ARHGAP42: variants seen among roughly 807,000 people sequenced by gnomAD.
ARHGAP42 encodes Rho GTPase activating protein 42, also known as rho GTPase-activating protein 42.
ARHGAP42 carries 63 observed loss-of-function variants against 125.0 expected under a neutral mutation model. The observed-to-expected ratio is 0.50, with a 90% CI of 0.41 to 0.62. The LOEUF (loss-of-function observed/expected upper bound fraction) is 0.62, where lower values mean the gene tolerates loss of function less well. Among genes scored for constraint, ARHGAP42 ranks in the 20% least tolerant of loss-of-function variants. The pLI is 0.00. For missense variants in ARHGAP42, 766 were observed against 1,024.2 expected (o/e 0.75, Z 3.44); for synonymous variants, 339 against 351.0 (o/e 0.97, Z 0.38).
chr11:100,751,588 T>C (rs1403620139), intron 1 of ARHGAP42, among the ~76,000 whole-genome samples: 6 of 151,742 alleles, frequency 4.0e-5, no homozygotes, highest in Non-Finnish European at 8.8e-5. Context: ...CAATACCCAG[T>C]GGTGGATGGA....
intron 5 of ARHGAP42, among the ~76,000 whole-genome samples, chr11:100,918,807 G>A (rs1382419192): frequency 6.6e-6 from 1 of 152,186 alleles, no homozygotes; most frequent in Non-Finnish European, 1.5e-5. Context: ...CCTATAAGTG[G>A]CAAGCAGCAA....
intron 5 of ARHGAP42, among the ~76,000 whole-genome samples, chr11:100,914,016 C>A (rs1375028712): frequency 2.0e-5 from 3 of 152,084 alleles, no homozygotes; most frequent in African/African-American, 7.2e-5. Context: ...CTCACTGCAA[C>A]CTCTGCCTCC....
chr11:100,826,760 T>C (rs1378877630), intron 3 of ARHGAP42, among the ~76,000 whole-genome samples: 1 of 152,172 alleles, frequency 6.6e-6, no homozygotes, highest in East Asian at 1.9e-4. Flanking sequence ...TTCCTGCTCA[T>C]GTCACCCCTG....
intron 21 of ARHGAP42, 139 bp downstream of exon 21, chr11:100,977,110 G>C: frequency 1.0e-6 from 1 of 960,582 alleles, no homozygotes; most frequent in Admixed American, 2.7e-5. Flanking sequence ...GTCCACTTCT[G>C]TAAGACTCTA....
At chr11:100,798,690 A>G (rs942007620) in intron 3 of ARHGAP42, among the ~76,000 whole-genome samples, 1 of 151,834 alleles carries the variant, frequency 6.6e-6, no homozygotes, top group African/African-American at 2.4e-5. Flanking sequence ...TATGTACTTT[A>G]TATATTTTAT....
intron 1 of ARHGAP42, among the ~76,000 whole-genome samples, chr11:100,764,136 C>G (rs1212526698): frequency 6.6e-6 from 1 of 151,962 alleles, no homozygotes; most frequent in African/African-American, 2.4e-5. Flanking sequence ...ATCTTCCCAC[C>G]TTAGCCTCCT....
chr11:100,889,600 G>A (rs565406721), intron 4 of ARHGAP42, among the ~76,000 whole-genome samples: 1 of 152,170 alleles, frequency 6.6e-6, no homozygotes, highest in African/African-American at 2.4e-5. Context: ...GAGGTTAAAT[G>A]AGTTTTCCCA....
intron 4 of ARHGAP42, among the ~76,000 whole-genome samples, chr11:100,876,099 C>T (rs2135167956): frequency 6.6e-6 from 1 of 152,322 alleles, no homozygotes; most frequent in South Asian, 2.1e-4. Context: ...AAAATACCTT[C>T]TCTGGTAGCA....
chr11:100,880,783 T>C (rs1010044783), intron 4 of ARHGAP42, among the ~76,000 whole-genome samples: 3 of 152,264 alleles, frequency 2.0e-5, no homozygotes, highest in South Asian at 2.1e-4. Flanking sequence ...TTTGATTGTG[T>C]CCATTCTTGC....
intron 4 of ARHGAP42, among the ~76,000 whole-genome samples, chr11:100,866,178 C>T (rs774059399): frequency 6.6e-6 from 1 of 152,154 alleles, no homozygotes; most frequent in African/African-American, 2.4e-5. Context: ...AGAAGCAACT[C>T]CTCATCCTTT....
intron 2 of ARHGAP42, 58 bp from the exon 3 acceptor site, chr11:100,795,047 A>T: frequency 7.8e-7 from 1 of 1,288,858 alleles, no homozygotes; most frequent in East Asian, 2.5e-5. Context: ...CTTCTTGAGT[A>T]ATTAGATATT....
chr11:100,977,109 T>G, intron 21 of ARHGAP42, 138 bp downstream of exon 21: 1 of 960,810 alleles, frequency 1.0e-6, no homozygotes, highest in Non-Finnish European at 1.5e-6. Flanking sequence ...AGTCCACTTC[T>G]GTAAGACTCT....
chr11:100,799,477 A>G (rs914832509), intron 3 of ARHGAP42, among the ~76,000 whole-genome samples: 1 of 152,208 alleles, frequency 6.6e-6, no homozygotes, highest in African/African-American at 2.4e-5. Context: ...TACTCTACCT[A>G]TGTGAACTGT....
chr11:100,761,372 T>C (rs1348377399), intron 1 of ARHGAP42, among the ~76,000 whole-genome samples: 1 of 152,346 alleles, frequency 6.6e-6, no homozygotes, highest in African/African-American at 2.4e-5. Context: ...AAGGAGACTC[T>C]AGAGAACGAC....
At chr11:100,719,423 GCAAA>G (rs1861720644) in intron 1 of ARHGAP42, among the ~76,000 whole-genome samples, 1 of 152,118 alleles carries the variant, frequency 6.6e-6, no homozygotes, top group Non-Finnish European at 1.5e-5. Context: ...AAAGCTCTAG[GCAAA>G]CAAACAGATG....
At position 100,913,525 on chromosome 11, in the gene ARHGAP42, C is replaced by G. The variant is rs1414214802; in HGVS notation, c.458C>G (p.Ala153Gly). 5 of 1,293,410 alleles carry G rather than the reference C, an allele frequency of 3.9e-6. No homozygotes were observed. The highest frequency in any genetic ancestry group is 2.0e-6 in the Non-Finnish European group (2 of 984,488). 80.1% of individuals were successfully genotyped at this position (1,293,410 alleles called of 1,614,324 possible). A position where few individuals can be genotyped will look rare whatever the true frequency, so the allele number is the denominator to read the frequency against. Residue 153 changes from alanine to glycine, a missense_variant, in exon 5 of 24, where the codon GCA becomes GGA. By Grantham distance (60) the Ala-to-Gly change is moderately conservative. Transcript: ENST00000298815. ...SILEKHLNLS[A>G]KKKESHLQEA... ...CTTGAAAAGCATTTAAATTTGTCCG[C>G]AAAGAAAAAGGAGTCTCATTTACAA... is the stretch of plus-strand genomic sequence containing the variant.
intron 4 of ARHGAP42, among the ~76,000 whole-genome samples, chr11:100,909,924 C>T (rs2135226390): frequency 6.6e-6 from 1 of 152,214 alleles, no homozygotes; most frequent in South Asian, 2.1e-4. Context: ...TAATACAAAC[C>T]ATAATTTTAA....
chr11:100,815,260 C>A (rs1864240976), intron 3 of ARHGAP42, among the ~76,000 whole-genome samples: 1 of 152,160 alleles, frequency 6.6e-6, no homozygotes, highest in African/African-American at 2.4e-5. Context: ...CATAGACATC[C>A]TTGCACTGTT....
intron 2 of ARHGAP42, among the ~76,000 whole-genome samples, chr11:100,794,544 A>G (rs1443321802): frequency 6.6e-6 from 1 of 152,216 alleles, no homozygotes; most frequent in Non-Finnish European, 1.5e-5. Context: ...TTAACGCTGA[A>G]TTGAACAGCA....
Sources: gnomAD v4.1 joint callset for allele counts (sites outside exome capture counted in the v4.1 genomes callset) on GRCh38, gnomAD v4.1.1 for gene constraint, MANE v1.5 for transcripts, NCBI Gene and HGNC (gene_info 2026-07-23, HGNC 2026-07-21) for gene names.